The following RBMS1 variants were observed in gnomAD, a reference collection of about 807,000 sequenced individuals.
RBMS1 encodes the protein RNA-binding motif, single-stranded-interacting protein 1.
Under a neutral mutation model 62.3 loss-of-function variants are expected in RBMS1, and 17 were observed. The observed-to-expected ratio is 0.27, with a 90% CI of 0.19 to 0.41. The LOEUF is 0.41. Among genes scored for constraint, RBMS1 ranks in the 10% least tolerant of loss-of-function variants. The pLI, the probability that RBMS1 is intolerant of heterozygous loss-of-function variation, is 1.00. For synonymous variants in RBMS1, 172 were observed against 170.0 expected, an observed-to-expected ratio of 1.01 and a Z score of -0.09; for missense variants, 334 against 504.5, an observed-to-expected ratio of 0.66 and a Z score of 3.24.
chr2:160,469,882 G>A (rs1684850332), intron 1 of RBMS1, among the ~76,000 whole-genome samples: 1 of 152,214 alleles, frequency 6.6e-6, no homozygotes, highest in South Asian at 2.1e-4. Context: ...AAATCAGGGA[G>A]GGGCTAGAAA....
chr2:160,275,107 T>C (rs1687761170), intron 13 of RBMS1, among the ~76,000 whole-genome samples: 1 of 152,210 alleles, frequency 6.6e-6, no homozygotes, highest in Non-Finnish European at 1.5e-5. Context: ...GTATTCTAAG[T>C]TCTACACAGC....
chr2:160,318,156 C>G lies in RBMS1; in HGVS notation c.310+13G>C. 6.3e-7 allele frequency: 1 copy of G among 1,586,012 alleles called. No individual in the cohort carries two copies. Among genetic ancestry groups the G allele is most frequent in the East Asian group, 2.3e-5 (1 of 43,118 alleles). On this transcript the variant is annotated intron_variant, in intron 3 of 13. Coordinates refer to ENST00000348849, the MANE Select transcript of RBMS1 (RefSeq NM_016836.4). ...AGCTATCATTTACCAAATAACCAGC[C>G]AAGAAAACATACCTTTGCATTTGTT...
intron 4 of RBMS1, among the ~76,000 whole-genome samples, 172 bp downstream of exon 4, chr2:160,312,984 C>T (rs1273118656): frequency 2.0e-5 from 3 of 152,112 alleles, no homozygotes; most frequent in Non-Finnish European, 4.4e-5. Flanking sequence ...AAGGAACAGT[C>T]CTTTGCACAA....
At position 160,493,545 on chromosome 2, in the gene RBMS1, C is replaced by G; in HGVS notation, c.-182G>C. The G allele has an allele frequency of 6.9e-5, 26 of 375,866 alleles. No homozygotes were observed. Among genetic ancestry groups the G allele is most frequent in the East Asian group, 9.3e-5 (2 of 21,584 alleles). The allele number at this position is 375,866 out of a possible 1,614,324, so 23.3% of individuals were successfully genotyped here. Reference sequence around the variant, plus strand: ...CGTCCTCCTCCTCCTCCTCCTCTTCCTCCTCCTCCTCCTCCTCCTCCTCCT... The same window carrying G: ...CGTCCTCCTCCTCCTCCTCCTCTTCGTCCTCCTCCTCCTCCTCCTCCTCCT... On this transcript the variant is annotated 5_prime_UTR_variant, in exon 1 of 14. Transcript: ENST00000348849.
rs557005454 is a variant in RBMS1, at chr2:160,392,548, C to T, written c.76-25157G>A. Among the ~76,000 whole-genome samples the T allele has an allele frequency of 4.1e-4, 62 of 151,960 alleles. No individual in the cohort carries two copies. The South Asian group carries it at 6.9e-3, about 17-fold the overall frequency. Reference sequence around the variant, plus strand: ...GTAAACCTTTATTGCTTGTTTCTCTCGATTGTCAATAATCCCAATTCCATT... The same window carrying T: ...GTAAACCTTTATTGCTTGTTTCTCTTGATTGTCAATAATCCCAATTCCATT... On this transcript the variant is annotated intron_variant, in intron 1 of 13. Transcript: ENST00000348849.
chr2:160,325,082 G>C (rs1690848240), intron 2 of RBMS1, among the ~76,000 whole-genome samples: 1 of 151,968 alleles, frequency 6.6e-6, no homozygotes, highest in East Asian at 1.9e-4. Flanking sequence ...ATGGGAGGTA[G>C]AATGTTTGCT....
intron 9 of RBMS1, chr2:160,282,735 T>G (rs149941219): frequency 1.3e-5 from 2 of 157,720 alleles, no homozygotes; most frequent in East Asian, 3.6e-4. Flanking sequence ...CTTAACCTCT[T>G]TAGGGTCATG....
At position 160,352,438 on chromosome 2, in the gene RBMS1, G is replaced by A. The variant is rs574359857; in HGVS notation, c.251+14778C>T. On this transcript the variant is annotated intron_variant, in intron 2 of 13. Transcript: ENST00000348849. ...TAGGGGTTCCATCAATTTTCCATAT[G>A]AATATTTTGTATTTAAAGACTTCTT... is the stretch of plus-strand genomic sequence containing the variant. 3.3e-5 allele frequency among the ~76,000 whole-genome samples: 5 copies of A among 152,236 alleles called. No homozygotes were observed. The East Asian group carries it at 9.7e-4, about 29-fold the overall frequency.
chr2:160,432,094 T>A (rs2105287732), intron 1 of RBMS1, among the ~76,000 whole-genome samples: 1 of 152,308 alleles, frequency 6.6e-6, no homozygotes, highest in Admixed American at 6.5e-5. Context: ...TTTAAAGAAT[T>A]TAAAAATGTA....
intron 6 of RBMS1, among the ~76,000 whole-genome samples, chr2:160,290,952 C>G (rs1027441932): frequency 4.6e-5 from 7 of 151,946 alleles, no homozygotes; most frequent in African/African-American, 1.7e-4. Flanking sequence ...CCATCTCCAC[C>G]GAGTATTTTC....
intron 4 of RBMS1, among the ~76,000 whole-genome samples, chr2:160,311,210 A>ATCTCTC (rs1361792296): frequency 1.0e-3 from 58 of 56,604 alleles, no homozygotes; most frequent in East Asian, 3.6e-3. Context: ...AAAAAAAAAA[A>ATCTCTC]TCTATCTATC....
chr2:160,300,580 G>A (rs1356005616), intron 6 of RBMS1, 71 bp downstream of exon 6: 1 of 1,477,690 alleles, frequency 6.8e-7, no homozygotes, highest in Non-Finnish European at 8.9e-7. Context: ...CTATTGAAGA[G>A]TCATCATGTG....
intron 1 of RBMS1, among the ~76,000 whole-genome samples, chr2:160,385,650 T>G (rs1694530576): frequency 6.6e-6 from 1 of 152,196 alleles, no homozygotes; most frequent in South Asian, 2.1e-4. Context: ...TGCTCATCAC[T>G]TAGGACAACT....
intron 4 of RBMS1, among the ~76,000 whole-genome samples, chr2:160,308,327 C>A (rs954156014): frequency 6.6e-6 from 1 of 151,962 alleles, no homozygotes; most frequent in Non-Finnish European, 1.5e-5. Context: ...ACCTGGGAGG[C>A]GGAGGTTGCA....
intron 1 of RBMS1, among the ~76,000 whole-genome samples, chr2:160,481,204 T>A (rs1234932376): frequency 6.6e-6 from 1 of 151,566 alleles, no homozygotes; most frequent in Non-Finnish European, 1.5e-5. Flanking sequence ...TTGGGCTGGA[T>A]CATTAACAGC....
intron 2 of RBMS1, among the ~76,000 whole-genome samples, chr2:160,340,170 T>C (rs1385322497): frequency 6.6e-6 from 1 of 152,208 alleles, no homozygotes; most frequent in African/African-American, 2.4e-5. Context: ...ACAGAAAATA[T>C]TAAAACATAC....
intron 1 of RBMS1, among the ~76,000 whole-genome samples, chr2:160,443,786 A>C (rs1683522701): frequency 1.3e-5 from 2 of 152,250 alleles, no homozygotes; most frequent in Admixed American, 1.3e-4. Context: ...ATGGCCTAGC[A>C]CAGTGTGCTT....
At chr2:160,461,803 T>C (rs1318053033) in intron 1 of RBMS1, among the ~76,000 whole-genome samples, 1 of 152,206 alleles carries the variant, frequency 6.6e-6, no homozygotes, top group African/African-American at 2.4e-5. Flanking sequence ...TAGAAAATAA[T>C]AGGAGATCAT....
chr2:160,401,247 G>T (rs1695411153), intron 1 of RBMS1, among the ~76,000 whole-genome samples: 1 of 152,168 alleles, frequency 6.6e-6, no homozygotes, highest in African/African-American at 2.4e-5. Flanking sequence ...ACACTGTTAT[G>T]AAATTCCATA....
Sources: gnomAD v4.1 joint callset for allele counts (sites outside exome capture counted in the v4.1 genomes callset) on GRCh38, gnomAD v4.1.1 for gene constraint, MANE v1.5 for transcripts, NCBI Gene and HGNC (gene_info 2026-07-23, HGNC 2026-07-21) for gene names.